Variants in MACF1 observed in about 807,000 individuals in gnomAD.
MACF1 encodes microtubule actin crosslinking factor 1.
In MACF1, 193 loss-of-function variants were observed where a neutral mutation model predicts 854.8. That is an observed-to-expected ratio of 0.23 (90% CI 0.20 to 0.25). The LOEUF (loss-of-function observed/expected upper bound fraction) is 0.25. MACF1 is among the 10% of genes least tolerant of loss of function. The pLI is 1.00. For synonymous variants in MACF1, 3,185 were observed against 3,226.7 expected, an observed-to-expected ratio of 0.99 and a Z score of 0.44; for missense variants, 7,722 against 8,929.1, an observed-to-expected ratio of 0.86 and a Z score of 5.45.
chr1:39,324,403 G>A lies in MACF1; in HGVS notation c.4389+58G>A, dbSNP rs1646570695. On this transcript the variant is annotated intron_variant, in intron 34 of 100. Transcript: ENST00000564288. ...TAGAATAATATGTGATAATACATTA[G>A]GTGGAATAGTAGAAGTCACATGTGG... 1.3e-5 allele frequency: 21 copies of A among 1,576,816 alleles called. No individual in the cohort carries two copies. In the South Asian group the frequency reaches 2.4e-4, roughly 18 times the overall value.
In MACF1 at chr1:39,380,245, C is replaced by A. The variant is rs569781583; in HGVS notation, c.13520C>A (p.Ala4507Asp). ...CATGCATGGCATTCTTTCTCCTAGG[C>A]CTTCCTGGCTGAGTTGGAACAGAAT... is the stretch of plus-strand genomic sequence containing the variant. ...TVKAQAESNKAFLAELEQNSP... is the reference protein window; with the variant it reads ...TVKAQAESNKDFLAELEQNSP... The change falls in exon 55 of 101, where the codon GCC becomes GAC. Residue 4507 changes from alanine to aspartate, a missense_variant and splice_region_variant. Ala to Asp is a moderately radical substitution (Grantham distance 126). This residue lies in a region of MACF1 where 2,807 missense variants were observed against 3,235.8 expected (regional missense o/e 0.87). Transcript: ENST00000564288. 8 of 1,612,424 alleles carry A rather than the reference C, an allele frequency of 5.0e-6. No homozygotes were observed. Among genetic ancestry groups the A allele is most frequent in the African/African-American group, 1.3e-5 (1 of 74,832 alleles).
chr1:39,253,509 ATTTT>A (rs34578005), intron 4 of MACF1, among the ~76,000 whole-genome samples: 2 of 91,518 alleles, frequency 2.2e-5, no homozygotes. Context: ...AGCTATCTGT[ATTTT>A]TTTTTTTTTT....
chr1:39,414,202 G>T, intron 58 of MACF1: 3 of 1,613,746 alleles, frequency 1.9e-6, no homozygotes, highest in Non-Finnish European at 2.5e-6. Context: ...TGCTGCTTCA[G>T]TGCCCACCCC....
chr1:39,234,242 C>T (rs1644823988), intron 2 of MACF1, among the ~76,000 whole-genome samples: 1 of 152,158 alleles, frequency 6.6e-6, no homozygotes, highest in South Asian at 2.1e-4. Flanking sequence ...CCCCACCTCT[C>T]CCTCCTTTCT....
At chr1:39,213,152 T>C (rs1644536613) in intron 1 of MACF1, among the ~76,000 whole-genome samples, 1 of 152,218 alleles carries the variant, frequency 6.6e-6, no homozygotes, top group African/African-American at 2.4e-5. Flanking sequence ...AATGATAATA[T>C]CTTTCTTGGA....
rs1642187727 is a variant in MACF1 at position 39,105,040 on chromosome 1, C to G, written c.220+20602C>G. ...GCGCTGACTGGGGCTCCCGCTCGCC[C>G]TGTGGAGCCGGCCCGGGTCTCCCTG... On this transcript the variant is annotated intron_variant, in intron 2 of 93. Coordinates refer to the MACF1 transcript ENST00000361689. This position sits in a 1 kb window ranked among gnomAD's most constrained non-coding sequence, Gnocchi z 5.9. 6.6e-6 allele frequency among the ~76,000 whole-genome samples: 1 copy of G among 152,228 alleles called. No individual in the cohort carries two copies. Among genetic ancestry groups the G allele is most frequent in the South Asian group, 2.1e-4 (1 of 4,834 alleles).
intron 58 of MACF1, chr1:39,412,092 G>C: frequency 1.2e-6 from 2 of 1,613,928 alleles, no homozygotes; most frequent in South Asian, 2.2e-5. Context: ...CTGATCACAG[G>C]GTTTCTCATG....
chr1:39,458,199 A>G, intron 89 of MACF1, 171 bp from the exon 90 acceptor site: 3 of 585,442 alleles, frequency 5.1e-6, no homozygotes, highest in South Asian at 2.5e-5. Context: ...TGAGATTTGG[A>G]GGGGACAAAT....
In MACF1 at chr1:39,379,416, C is replaced by A. The variant is rs1649990756; in HGVS notation, c.13490C>A (p.Thr4497Lys). ...ATGTCATCTCCAACCAAGACAGAAA[C>A]AGTGAAAGCCCAAGCTGAATCTAAC... ...DAMSSPTKTETVKAQAESNKA... is the reference protein window; with the variant it reads ...DAMSSPTKTEKVKAQAESNKA... Residue 4497 changes from threonine to lysine, a missense_variant, in exon 54 of 101, where the codon ACA becomes AAA. Transcript: ENST00000564288. 6.2e-7 allele frequency: 1 copy of A among 1,613,746 alleles called. No individual in the cohort carries two copies. The highest frequency in any genetic ancestry group is 1.1e-5 in the South Asian group (1 of 91,060).
intron 42 of MACF1, among the ~76,000 whole-genome samples, chr1:39,349,876 G>C (rs555080262): frequency 1.1e-3 from 161 of 152,280 alleles, no homozygotes; most frequent in South Asian, 2.1e-3. Flanking sequence ...CAATCCTCCT[G>C]CCGTGGCCTT....
intron 52 of MACF1, chr1:39,373,189 C>T (rs1649401797): frequency 6.5e-6 from 1 of 154,098 alleles, no homozygotes. Context: ...GCCTGTAGTC[C>T]CAGCTACTCA....
intron 58 of MACF1, among the ~76,000 whole-genome samples, chr1:39,396,319 C>CAA (rs1165225801): frequency 0.056 from 4,575 of 81,502 alleles, 282 homozygotes; most frequent in African/African-American, 0.15. Flanking sequence ...GACTCCATCT[C>CAA]AAAAAAAAAA....
intron 1 of MACF1, among the ~76,000 whole-genome samples, chr1:39,218,182 CAAAAAAAAA>C (rs36113375): frequency 1.2e-5 from 1 of 84,484 alleles, no homozygotes; most frequent in Non-Finnish European, 2.1e-5. Context: ...GACTCCGTCT[CAAAAAAAAA>C]AAAAAAAAAA....
chr1:39,476,227 T>C (rs1644879099), intron 97 of MACF1, among the ~76,000 whole-genome samples: 1 of 152,224 alleles, frequency 6.6e-6, no homozygotes, highest in South Asian at 2.1e-4. Flanking sequence ...CATCAGTTGA[T>C]GTTTTTACCT....
intron 1 of MACF1, among the ~76,000 whole-genome samples, chr1:39,230,366 C>T (rs142841439): frequency 1.5e-4 from 23 of 152,134 alleles, no homozygotes; most frequent in Non-Finnish European, 3.1e-4. Context: ...GGATAGGCCA[C>T]GGAGCATGGT....
chr1:39,098,962 G>T lies in MACF1; in HGVS notation c.220+14524G>T, dbSNP rs1043653242. On this transcript the variant is annotated intron_variant, in intron 2 of 93. Transcript: ENST00000361689. ...GGCTGGTGCCCAAGAGGCTGGTGGAGCTTCACTTCTGAGACTAGAACTAGG... is the reference window on the plus strand; with the variant it reads ...GGCTGGTGCCCAAGAGGCTGGTGGATCTTCACTTCTGAGACTAGAACTAGG... 8.5e-5 allele frequency among the ~76,000 whole-genome samples: 13 copies of T among 152,214 alleles called. 1 individual carries two copies. In the South Asian group the frequency reaches 2.7e-3, roughly 31 times the overall value.
intron 99 of MACF1, among the ~76,000 whole-genome samples, chr1:39,481,625 A>C (rs1255651560): frequency 2.0e-5 from 3 of 152,236 alleles, no homozygotes; most frequent in African/African-American, 4.8e-5. Flanking sequence ...TGTAGCCTTG[A>C]TTTGAATACA....
In MACF1 at chr1:39,389,351, G is replaced by GTTTTTTTTTTTTT. The variant is rs10588247; in HGVS notation, c.15816+706_15816+718dup. ...ATCTTCAGGTCTCTGGTTTTTGTGT[G>GTTTTTTTTTTTTT]TTTTTTTTTTTTTTTTTTTTTTTTT... On this transcript the variant is annotated intron_variant, in intron 58 of 100. Coordinates refer to ENST00000564288, the MANE Select transcript of MACF1 (RefSeq NM_001394062.1). 7.2e-4 allele frequency among the ~76,000 whole-genome samples: 46 copies of GTTTTTTTTTTTTT among 63,474 alleles called. 1 individual carries two copies. Among genetic ancestry groups the GTTTTTTTTTTTTT allele is most frequent in the East Asian group, 1.1e-3 (2 of 1,882 alleles). 41.6% of individuals were successfully genotyped at this position (63,474 alleles called of 152,430 possible).
chr1:39,188,487 C>T (rs1571151563), intron 2 of MACF1, among the ~76,000 whole-genome samples: 1 of 152,274 alleles, frequency 6.6e-6, no homozygotes, highest in South Asian at 2.1e-4. Flanking sequence ...TAATGAATAA[C>T]CAGGTAGAGG....
Sources: allele counts gnomAD v4.1 joint callset (sites outside exome capture counted in the v4.1 genomes callset), GRCh38; gene constraint gnomAD v4.1.1; regional missense constraint gnomAD v4.1.1; non-coding constraint Gnocchi (gnomAD v3.1); transcripts MANE v1.5; gene names NCBI Gene and HGNC (gene_info 2026-07-23, HGNC 2026-07-21).